The following NELL2 variants were observed in gnomAD, a reference collection of about 807,000 sequenced individuals.
NELL2 encodes neural EGFL like 2.
A neutral mutation model predicts 109.6 loss-of-function variants in NELL2; 41 were observed. The observed-to-expected ratio is 0.37, with a 90% CI of 0.29 to 0.49. The LOEUF is 0.49. Among genes scored for constraint, NELL2 ranks in the 20% least tolerant of loss-of-function variants. NELL2 has a pLI of 0.98. For missense variants in NELL2, 900 were observed against 1,008.3 expected (o/e 0.89, Z 1.45); for synonymous variants, 355 against 344.7 (o/e 1.03, Z -0.33).
At chr12:44,716,519 T>C (rs539025183) in intron 9 of NELL2, among the ~76,000 whole-genome samples, 1 of 152,266 alleles carries the variant, frequency 6.6e-6, no homozygotes, top group Admixed American at 6.5e-5. Context: ...TTAATAAACA[T>C]GATTGATTGC....
chr12:44,724,491 C>T (rs1057309176), intron 9 of NELL2, among the ~76,000 whole-genome samples: 1 of 152,070 alleles, frequency 6.6e-6, no homozygotes, highest in South Asian at 2.1e-4. Flanking sequence ...ATCAGAATGG[C>T]AATCCCATTC....
rs183970970 is a variant in NELL2, at chr12:44,892,441, C to G, written c.39-16541G>C. On this transcript the variant is annotated intron_variant, in intron 1 of 20. Transcript: ENST00000333837. The stretch of plus-strand genomic sequence containing the variant: ...CTTAAAAGTTTTCATGGATCATTTC[C>G]TTTAAACAATCATCAAAAATAGCCC... Among the ~76,000 whole-genome samples, 659 of 152,202 alleles carry G rather than the reference C, an allele frequency of 4.3e-3. 3 individuals are homozygous for G. Among genetic ancestry groups the G allele is most frequent in the Non-Finnish European group, 7.7e-3 (522 of 68,014 alleles).
At chr12:44,585,209 C>T (rs893701546) in intron 15 of NELL2, among the ~76,000 whole-genome samples, 6 of 152,166 alleles carry the variant, frequency 3.9e-5, no homozygotes, top group African/African-American at 1.4e-4. Flanking sequence ...AATAGTTTTA[C>T]AGAAACGCTT....
At chr12:44,521,915 T>C in intron 18 of NELL2, 85 bp downstream of exon 18, 1 of 1,351,886 alleles carries the variant, frequency 7.4e-7, no homozygotes, top group Non-Finnish European at 1.0e-6. Context: ...TGGTGCTAGG[T>C]ATTGGCAGAT....
At chr12:44,864,949 A>G (rs1050833375) in intron 2 of NELL2, among the ~76,000 whole-genome samples, 8 of 147,868 alleles carry the variant, frequency 5.4e-5, no homozygotes, top group African/African-American at 2.0e-4. Context: ...CGCCACACTG[A>G]CTTCCACAAT....
chr12:44,708,474 T>C (rs2136429989), intron 11 of NELL2, among the ~76,000 whole-genome samples: 1 of 152,340 alleles, frequency 6.6e-6, no homozygotes, highest in East Asian at 1.9e-4. Context: ...ACACCATCTT[T>C]AGCACTATAC....
intron 13 of NELL2, among the ~76,000 whole-genome samples, chr12:44,616,126 T>C (rs1052758659): frequency 6.6e-6 from 1 of 152,190 alleles, no homozygotes. Flanking sequence ...ACCAGCAATA[T>C]CCTAGATCCT....
intron 15 of NELL2, among the ~76,000 whole-genome samples, chr12:44,595,701 A>T (rs942366931): frequency 6.7e-6 from 1 of 149,862 alleles, no homozygotes; most frequent in African/African-American, 2.5e-5. Context: ...TCGGCCTCCC[A>T]AAGTGCTGGG....
At chr12:44,685,242 C>G (rs1473152791) in intron 12 of NELL2, among the ~76,000 whole-genome samples, 1 of 151,962 alleles carries the variant, frequency 6.6e-6, no homozygotes, top group Non-Finnish European at 1.5e-5. Context: ...GCAACCCCTG[C>G]CTTTTTTTGT....
chr12:44,867,549 T>C (rs1234393731), intron 2 of NELL2, among the ~76,000 whole-genome samples: 1 of 152,180 alleles, frequency 6.6e-6, no homozygotes, highest in East Asian at 1.9e-4. Flanking sequence ...TGAAAGTTTT[T>C]CCTCTAAAAT....
In NELL2 at chr12:44,764,062, A is replaced by G. The variant is rs564938064; in HGVS notation, c.994+10685T>C. ...TTAGACAGATGTGATTTATTCCACA[A>G]GTATTCAGAAAAAGACCTCATCTAA... is the stretch of plus-strand genomic sequence containing the variant. On this transcript the variant is annotated intron_variant, in intron 9 of 19. Transcript: ENST00000429094. 3.9e-5 allele frequency among the ~76,000 whole-genome samples: 6 copies of G among 152,322 alleles called. No individual in the cohort carries two copies. In the East Asian group the frequency reaches 1.2e-3, roughly 29 times the overall value.
intron 11 of NELL2, among the ~76,000 whole-genome samples, chr12:44,709,679 C>A (rs577831924): frequency 1.5e-4 from 23 of 152,244 alleles, no homozygotes; most frequent in African/African-American, 5.1e-4. Flanking sequence ...CACCTAGGAG[C>A]TTTTTTGTAG....
intron 15 of NELL2, among the ~76,000 whole-genome samples, chr12:44,594,434 T>C (rs1218000549): frequency 1.3e-5 from 2 of 152,098 alleles, no homozygotes; most frequent in African/African-American, 4.8e-5. Flanking sequence ...AAATATCATG[T>C]CAAGAAAACC....
rs142803694 is a variant in NELL2, at chr12:44,680,510, A to G, written c.1319-14901T>C. Among the ~76,000 whole-genome samples the G allele has an allele frequency of 5.7e-4, 87 of 152,312 alleles. No homozygotes were observed. The East Asian group carries it at 0.016, about 28-fold the overall frequency. On this transcript the variant is annotated intron_variant, in intron 12 of 19. Coordinates refer to ENST00000429094, the MANE Select transcript of NELL2 (RefSeq NM_001145108.2). ...GTAATTAAAGCTGTTTTTTGAATTT[A>G]AAGTAAAAATGAAAGTCAAATGTAT...
chr12:44,740,393 C>G (rs924413747), intron 9 of NELL2, among the ~76,000 whole-genome samples: 2 of 152,122 alleles, frequency 1.3e-5, no homozygotes, highest in Admixed American at 1.3e-4. Flanking sequence ...AGAGGTAGAA[C>G]CCTGGCATAC....
chr12:44,803,967 T>C (rs778994359), intron 3 of NELL2, among the ~76,000 whole-genome samples: 1 of 152,028 alleles, frequency 6.6e-6, no homozygotes, highest in Non-Finnish European at 1.5e-5. Context: ...AGTTTAAGTG[T>C]GTAAGTATAT....
intron 15 of NELL2, among the ~76,000 whole-genome samples, chr12:44,534,157 C>CT (rs1942202567): frequency 6.6e-6 from 1 of 151,966 alleles, no homozygotes. Flanking sequence ...AAAATGTCCT[C>CT]TTTTCAGAAG....
chr12:44,876,071 A>G lies in NELL2; in HGVS notation c.-202T>C. 2 of 1,418,140 alleles carry G rather than the reference A, an allele frequency of 1.4e-6. No individual in the cohort carries two copies. Among genetic ancestry groups the G allele is most frequent in the Admixed American group, 2.7e-5 (1 of 37,068 alleles). The allele number at this position is 1,418,140 out of a possible 1,614,324, so 87.8% of individuals were successfully genotyped here. On this transcript the variant is annotated 5_prime_UTR_variant, in exon 1 of 20. Transcript: ENST00000429094. ...GGCGCGTGAAGAACTTAGACCCTCC[A>G]ATGCGCACATCATTCCCACACGCAG...
intron 15 of NELL2, among the ~76,000 whole-genome samples, chr12:44,593,837 T>C (rs577479879): frequency 2.0e-5 from 3 of 152,268 alleles, no homozygotes; most frequent in African/African-American, 7.2e-5. Flanking sequence ...TTGCTTAGGA[T>C]TGTCTTGGCT....
Sources: gnomAD v4.1 joint callset for allele counts (sites outside exome capture counted in the v4.1 genomes callset) on GRCh38, gnomAD v4.1.1 for gene constraint, MANE v1.5 for transcripts, NCBI Gene and HGNC (gene_info 2026-07-23, HGNC 2026-07-21) for gene names.